The following CSMD2 variants were observed in gnomAD, a reference collection of about 807,000 sequenced individuals.
CSMD2 encodes the protein CUB and sushi domain-containing protein 2.
A neutral mutation model predicts 398.5 loss-of-function variants in CSMD2; 130 were observed. The ratio of observed to expected loss-of-function variants is 0.33; its 90% CI spans 0.28 to 0.38. The LOEUF (loss-of-function observed/expected upper bound fraction) is 0.38. Ranked by LOEUF, CSMD2 falls within the 10% of genes least tolerant of loss-of-function variation. The pLI is 1.00. For synonymous variants in CSMD2, 1,828 were observed against 1,908.5 expected (o/e 0.96, Z 1.10); for missense variants, 3,829 against 4,764.9 (o/e 0.80, Z 5.78).
chr1:34,131,180 C>T (rs1442158767), intron 1 of CSMD2, among the ~76,000 whole-genome samples: 1 of 152,146 alleles, frequency 6.6e-6, no homozygotes, highest in Non-Finnish European at 1.5e-5. Context: ...ATTTCTCCTT[C>T]CTGACTATCC....
At chr1:33,982,113 A>C (rs1472395845) in intron 3 of CSMD2, among the ~76,000 whole-genome samples, 2 of 152,130 alleles carry the variant, frequency 1.3e-5, no homozygotes, top group Non-Finnish European at 2.9e-5. Context: ...AGAAAAGTGG[A>C]AAGTGGACAG....
At chr1:33,767,455 T>TA (rs1650653337) in intron 13 of CSMD2, among the ~76,000 whole-genome samples, 1 of 152,174 alleles carries the variant, frequency 6.6e-6, no homozygotes, top group Non-Finnish European at 1.5e-5. Flanking sequence ...CGTCTAGAGA[T>TA]AGAGTTACAG....
intron 5 of CSMD2, among the ~76,000 whole-genome samples, chr1:33,906,547 A>G (rs992096375): frequency 2.6e-5 from 4 of 152,232 alleles, no homozygotes; most frequent in African/African-American, 9.6e-5. Flanking sequence ...AATTAATTGA[A>G]TGTGGCTGGT....
intron 1 of CSMD2, among the ~76,000 whole-genome samples, chr1:34,116,389 A>T (rs1249979999): frequency 6.6e-6 from 1 of 152,070 alleles, no homozygotes; most frequent in Non-Finnish European, 1.5e-5. Flanking sequence ...AAACTGTCAC[A>T]AGAGACAAAG....
chr1:34,008,684 A>G (rs1166890767), intron 3 of CSMD2, among the ~76,000 whole-genome samples: 1 of 152,212 alleles, frequency 6.6e-6, no homozygotes, highest in Non-Finnish European at 1.5e-5. Context: ...TTGTAGGAAT[A>G]TAAGTGAAGT....
intron 1 of CSMD2, among the ~76,000 whole-genome samples, chr1:34,124,725 C>T (rs1369389221): frequency 2.6e-5 from 4 of 152,148 alleles, no homozygotes; most frequent in East Asian, 1.9e-4. Flanking sequence ...CTGTCAGGAA[C>T]ACAACAGAAC....
At chr1:33,700,004 T>A (rs1004580203) in intron 23 of CSMD2, among the ~76,000 whole-genome samples, 5 of 104,816 alleles carry the variant, frequency 4.8e-5, no homozygotes, top group African/African-American at 2.0e-4. Context: ...ATGTATACTT[T>A]ACTCCATTTT....
intron 5 of CSMD2, among the ~76,000 whole-genome samples, chr1:33,909,491 A>G (rs1241611746): frequency 1.3e-5 from 2 of 151,994 alleles, no homozygotes; most frequent in African/African-American, 4.8e-5. Context: ...GTCTCCCCCA[A>G]ATAGACCGTA....
At chr1:33,640,164 C>A (rs2148928316) in intron 29 of CSMD2, among the ~76,000 whole-genome samples, 1 of 152,284 alleles carries the variant, frequency 6.6e-6, no homozygotes, top group East Asian at 1.9e-4. Context: ...CTCTCTGGTC[C>A]TAATAGATGA....
At chr1:33,919,192 G>A (rs935365236) in intron 4 of CSMD2, among the ~76,000 whole-genome samples, 1 of 152,180 alleles carries the variant, frequency 6.6e-6, no homozygotes, top group African/African-American at 2.4e-5. Context: ...AGAATCTCCA[G>A]AATTCAGCAA....
chr1:33,678,551 G>A (rs1644797871), intron 25 of CSMD2, among the ~76,000 whole-genome samples: 1 of 152,116 alleles, frequency 6.6e-6, no homozygotes, highest in South Asian at 2.1e-4. Context: ...AGCTGCTGCA[G>A]GGGGAAGGGG....
At chr1:33,881,456 G>A (rs1012448001) in intron 5 of CSMD2, among the ~76,000 whole-genome samples, 3 of 152,166 alleles carry the variant, frequency 2.0e-5, no homozygotes, top group Admixed American at 2.0e-4. Flanking sequence ...TTTGGCTAGG[G>A]AAAGCAGGAA....
intron 3 of CSMD2, among the ~76,000 whole-genome samples, chr1:33,939,272 C>G (rs1476614357): frequency 6.6e-6 from 1 of 152,074 alleles, no homozygotes; most frequent in Non-Finnish European, 1.5e-5. Context: ...TCAGTCCCTG[C>G]TGCTGGTTCA....
At position 33,635,601 on chromosome 1, in the gene CSMD2, T is replaced by C. The variant is rs544260833; in HGVS notation, c.4970-271A>G. 6.6e-6 allele frequency among the ~76,000 whole-genome samples: 1 copy of C among 152,308 alleles called. No homozygotes were observed. The highest frequency in any genetic ancestry group is 1.9e-4 in the East Asian group (1 of 5,182). ...TGCCCTCTACCTATTAACCCTGGCA[T>C]TGGTCCCTGAAGTCACAGCCTTAGG... On this transcript the variant is annotated intron_variant, in intron 30 of 70. Transcript: ENST00000373381. The surrounding 1 kb of genome is among the most constrained non-coding windows in gnomAD (Gnocchi z 5.0).
intron 13 of CSMD2, among the ~76,000 whole-genome samples, chr1:33,745,104 G>C (rs1009329995): frequency 6.6e-6 from 1 of 152,168 alleles, no homozygotes; most frequent in Non-Finnish European, 1.5e-5. Context: ...GATACAGTTT[G>C]ACTGCAATCA....
intron 12 of CSMD2, among the ~76,000 whole-genome samples, chr1:33,773,758 G>A (rs1009846641): frequency 2.0e-5 from 3 of 152,294 alleles, no homozygotes; most frequent in Non-Finnish European, 2.9e-5. Flanking sequence ...AGTGCCAGAC[G>A]GTGAGGTGAG....
intron 32 of CSMD2, among the ~76,000 whole-genome samples, chr1:33,629,065 GAA>G (rs199766428): frequency 1.0e-4 from 13 of 128,590 alleles, no homozygotes; most frequent in South Asian, 4.8e-4. Context: ...AAGCCCTACT[GAA>G]AAAAAAAAAA....
chr1:34,103,305 TTTTTTC>T (rs1162192675), intron 1 of CSMD2, among the ~76,000 whole-genome samples: 21 of 127,342 alleles, frequency 1.6e-4, no homozygotes, highest in African/African-American at 5.5e-4. Flanking sequence ...TTTTTTTTTT[TTTTTTC>T]TTTCTGAGCC....
At chr1:34,128,886 C>G (rs1247320122) in intron 1 of CSMD2, among the ~76,000 whole-genome samples, 1 of 152,134 alleles carries the variant, frequency 6.6e-6, no homozygotes, top group Non-Finnish European at 1.5e-5. Flanking sequence ...GGAGCTGGAA[C>G]CCAGGCTAAG....
Sources: allele counts gnomAD v4.1 joint callset (sites outside exome capture counted in the v4.1 genomes callset), GRCh38; gene constraint gnomAD v4.1.1; non-coding constraint Gnocchi (gnomAD v3.1); transcripts MANE v1.5; gene names NCBI Gene and HGNC (gene_info 2026-07-23, HGNC 2026-07-21).